Variants in STK38 observed in about 807,000 individuals in gnomAD.
STK38 encodes serine/threonine kinase 38, also known as serine/threonine-protein kinase 38.
Under a neutral mutation model 59.0 loss-of-function variants are expected in STK38, and 26 were observed. The ratio of observed to expected loss-of-function variants is 0.44; its 90% CI spans 0.32 to 0.61. The LOEUF (loss-of-function observed/expected upper bound fraction) is 0.61, where lower values mean the gene tolerates loss of function less well. Ranked by LOEUF, STK38 falls within the 20% of genes least tolerant of loss-of-function variation. The pLI, the probability that STK38 is intolerant of heterozygous loss-of-function variation, is 0.04. For missense variants in STK38, 433 were observed against 566.0 expected, an observed-to-expected ratio of 0.76 and a Z score of 2.38; for synonymous variants, 175 against 176.6, an observed-to-expected ratio of 0.99 and a Z score of 0.07.
At chr6:36,514,042 C>A (rs1234240485) in intron 7 of STK38, among the ~76,000 whole-genome samples, 1 of 150,850 alleles carries the variant, frequency 6.6e-6, no homozygotes, top group African/African-American at 2.4e-5. Context: ...GTAGTCCCAG[C>A]TACTCGAGAG....
chr6:36,527,808 A>G (rs1777567611), intron 2 of STK38, among the ~76,000 whole-genome samples: 1 of 152,010 alleles, frequency 6.6e-6, no homozygotes, highest in Non-Finnish European at 1.5e-5. Flanking sequence ...GGATAAGACT[A>G]CAGTATGCTG....
intron 2 of STK38, among the ~76,000 whole-genome samples, chr6:36,527,414 A>G (rs987310659): frequency 2.0e-5 from 3 of 149,822 alleles, no homozygotes; most frequent in South Asian, 2.1e-4. Context: ...AGCTGGGCAT[A>G]GTGACAGGTG....
chr6:36,528,493 G>A (rs984303324), intron 2 of STK38, among the ~76,000 whole-genome samples: 1 of 152,142 alleles, frequency 6.6e-6, no homozygotes, highest in Non-Finnish European at 1.5e-5. Context: ...CTGTCTAGAG[G>A]GATATGATGC....
intron 5 of STK38, among the ~76,000 whole-genome samples, chr6:36,520,696 C>T (rs1009949795): frequency 6.6e-6 from 1 of 152,154 alleles, no homozygotes; most frequent in Non-Finnish European, 1.5e-5. Flanking sequence ...TTAGCATAAA[C>T]TATAGTGTCT....
chr6:36,525,586 A>C lies in STK38; in HGVS notation c.183+5T>G. ...TTTAAGGAAAACATTGCCAATATTA[A>C]TTACCTCCTCATCTTTTAGGCCTTC... On this transcript the variant is annotated splice_donor_5th_base_variant and intron_variant, in intron 3 of 13. Coordinates refer to ENST00000229812, the MANE Select transcript of STK38 (RefSeq NM_007271.4). 6.4e-7 allele frequency: 1 copy of C among 1,574,110 alleles called. No individual in the cohort carries two copies. Among genetic ancestry groups the C allele is most frequent in the Non-Finnish European group, 8.7e-7 (1 of 1,143,884 alleles).
At position 36,527,496 on chromosome 6, in the gene STK38, T is replaced by C. The variant is rs149202909; in HGVS notation, c.132-1854A>G. ...TGAACCTGGGAGGCAGAGGTTGCAG[T>C]GAGGCGAGAGCACACCAGTGCACTC... On this transcript the variant is annotated intron_variant, in intron 2 of 13. Transcript: ENST00000229812. Among the ~76,000 whole-genome samples, 12 of 151,152 alleles carry C rather than the reference T, an allele frequency of 7.9e-5. 1 individual carries two copies. In the East Asian group the frequency reaches 1.8e-3, roughly 22 times the overall value.
intron 2 of STK38, among the ~76,000 whole-genome samples, chr6:36,534,268 TCAAAA>T (rs2127487823): frequency 6.6e-6 from 1 of 150,800 alleles, no homozygotes; most frequent in Admixed American, 6.6e-5. Flanking sequence ...ACAAAAAAAA[TCAAAA>T]CAAATGACAA....
chr6:36,522,655 C>A (rs754046907), intron 4 of STK38, among the ~76,000 whole-genome samples: 1 of 151,876 alleles, frequency 6.6e-6, no homozygotes, highest in Admixed American at 6.6e-5. Flanking sequence ...TCCAGGAGTT[C>A]GAGACCAGCC....
chr6:36,516,167 G>A (rs1244780951), intron 6 of STK38, among the ~76,000 whole-genome samples: 2 of 152,108 alleles, frequency 1.3e-5, no homozygotes, highest in East Asian at 1.9e-4. Context: ...GTATTTAAAT[G>A]GACACTAGTA....
chr6:36,510,463 G>C (rs1298011249), intron 7 of STK38, among the ~76,000 whole-genome samples: 1 of 152,178 alleles, frequency 6.6e-6, no homozygotes, highest in Non-Finnish European at 1.5e-5. Context: ...GGATGCCCAG[G>C]TCTGCAGCTG....
chr6:36,524,345 C>T lies in STK38; in HGVS notation c.302G>A (p.Gly101Asp). 1 of 1,605,310 alleles carries T rather than the reference C, an allele frequency of 6.2e-7. No homozygotes were observed. The highest frequency in any genetic ancestry group is 1.1e-5 in the South Asian group (1 of 88,732). ...ACAAGTAGCTGTGATTTTTACCTCA[C>T]CAAATGCTCCTCTGCCTATTACTTT... ...SLKVIGRGAFGEVRLVQKKDT... is the reference protein window; with the variant it reads ...SLKVIGRGAFDEVRLVQKKDT... Residue 101 changes from glycine to aspartate, a missense_variant, in exon 4 of 14, where the codon GGT (glycine) becomes GAT (aspartate). By Grantham distance (94) the Gly-to-Asp change is moderately conservative. Coordinates refer to ENST00000229812, the MANE Select transcript of STK38 (RefSeq NM_007271.4).
In STK38 at chr6:36,497,679, C is replaced by T. The variant is rs1776736729; in HGVS notation, c.1172+101G>A. The T allele has an allele frequency of 3.0e-5, 27 of 905,636 alleles. No individual in the cohort carries two copies. The South Asian group carries it at 3.7e-4, about 13-fold the overall frequency. The allele number at this position is 905,636 out of a possible 1,614,324, so 56.1% of individuals were successfully genotyped here. A position where few individuals can be genotyped will look rare whatever the true frequency, so the allele number is the denominator to read the frequency against. On this transcript the variant is annotated intron_variant, in intron 12 of 13. Coordinates refer to ENST00000229812, the MANE Select transcript of STK38 (RefSeq NM_007271.4). Reference sequence around the variant, plus strand: ...AAAGACCCTAAATCTCTAAGAAGCTCTCTTCCCTTACTTGGCTTGCCAATG... The same window carrying T: ...AAAGACCCTAAATCTCTAAGAAGCTTTCTTCCCTTACTTGGCTTGCCAATG...
chr6:36,509,991 G>C (rs906516560), intron 7 of STK38, among the ~76,000 whole-genome samples: 1 of 152,168 alleles, frequency 6.6e-6, no homozygotes, highest in African/African-American at 2.4e-5. Flanking sequence ...GGTGGCCACA[G>C]GCAGGCCCGG....
chr6:36,517,692 T>C (rs758419729), intron 6 of STK38, 25 bp downstream of exon 6: 38 of 1,606,870 alleles, frequency 2.4e-5, no homozygotes, highest in Non-Finnish European at 3.1e-5. Context: ...AAAGAAAAAA[T>C]GACCTTTCAT....
At chr6:36,545,816 T>C (rs1488914910) in intron 1 of STK38, among the ~76,000 whole-genome samples, 1 of 152,152 alleles carries the variant, frequency 6.6e-6, no homozygotes, top group African/African-American at 2.4e-5. Flanking sequence ...TTCTTCAAAG[T>C]TTTAAAAAAT....
rs1582401311 is a variant in STK38, at chr6:36,498,587, TTC to T, written c.953-103_953-102del. ...AATTCTATGTCTTTTTTTTTCTTTT[TTC>T]TTTTTTTTTTTTTTTTGAGACAGGG... On this transcript the variant is annotated intron_variant, in intron 10 of 13. Coordinates refer to ENST00000229812, the MANE Select transcript of STK38 (RefSeq NM_007271.4). 2,008 of 1,324,566 alleles carry T rather than the reference TTC, an allele frequency of 1.5e-3. 9 individuals carry two copies. The highest frequency in any genetic ancestry group is 3.6e-3 in the South Asian group (247 of 68,126). The allele number at this position is 1,324,566 out of a possible 1,614,324, so 82.1% of individuals were successfully genotyped here.
chr6:36,530,178 T>A (rs1023022698), intron 2 of STK38, among the ~76,000 whole-genome samples: 1 of 150,338 alleles, frequency 6.7e-6, no homozygotes, highest in Non-Finnish European at 1.5e-5. Flanking sequence ...GAGGCAGAGG[T>A]TGCAGTGAGC....
intron 3 of STK38, among the ~76,000 whole-genome samples, chr6:36,525,383 C>T (rs868194994): frequency 6.6e-6 from 1 of 152,162 alleles, no homozygotes; most frequent in East Asian, 1.9e-4. Context: ...TTTACTATAA[C>T]TGCATCTAGA....
intron 5 of STK38, among the ~76,000 whole-genome samples, chr6:36,519,911 C>G (rs145187111): frequency 6.6e-6 from 1 of 152,076 alleles, no homozygotes; most frequent in Admixed American, 6.6e-5. Context: ...ATTTCCACCA[C>G]GTGGAGCAGA....
Sources: gnomAD v4.1 joint callset for allele counts (sites outside exome capture counted in the v4.1 genomes callset) on GRCh38, gnomAD v4.1.1 for gene constraint, MANE v1.5 for transcripts, NCBI Gene and HGNC (gene_info 2026-07-23, HGNC 2026-07-21) for gene names.